Variants in CNBD1 observed in about 807,000 individuals in gnomAD.
The protein encoded by CNBD1 is cyclic nucleotide-binding domain-containing protein 1.
Under a neutral mutation model 54.4 loss-of-function variants are expected in CNBD1, and 71 were observed. That is an observed-to-expected ratio of 1.30 (90% CI 1.08 to 1.59). The LOEUF is 1.59. Ranked by LOEUF, CNBD1 falls within the 40% of genes most tolerant of loss-of-function variation. The probability of loss-of-function intolerance (pLI) is 0.00; values close to 1 mark genes in which losing one functional copy is unlikely to be tolerated. For missense variants in CNBD1, 659 were observed against 518.0 expected (o/e 1.27, Z -2.64); for synonymous variants, 182 against 170.7 (o/e 1.07, Z -0.51).
chr8:87,059,169 T>C (rs919149219), intron 4 of CNBD1, among the ~76,000 whole-genome samples: 1 of 152,194 alleles, frequency 6.6e-6, no homozygotes, highest in African/African-American at 2.4e-5. Flanking sequence ...TTGACTTTAT[T>C]GTCCATATCA....
intron 2 of CNBD1, among the ~76,000 whole-genome samples, chr8:87,414,655 C>A (rs1211345101): frequency 1.3e-5 from 2 of 151,970 alleles, no homozygotes; most frequent in African/African-American, 4.8e-5. Context: ...TCTTCTTGTA[C>A]TATTACCACA....
chr8:86,919,642 C>G (rs1370340801), intron 3 of CNBD1, among the ~76,000 whole-genome samples: 1 of 152,120 alleles, frequency 6.6e-6, no homozygotes, highest in African/African-American at 2.4e-5. Context: ...ATTAGGAACT[C>G]AAAGTACTGA....
chr8:87,226,760 TTGG>T (rs1814507919), intron 5 of CNBD1, among the ~76,000 whole-genome samples: 2 of 151,848 alleles, frequency 1.3e-5, no homozygotes, highest in Admixed American at 1.3e-4. Flanking sequence ...TTAGGTCCGC[TTGG>T]TGCAGAGCTG....
intron 8 of CNBD1, among the ~76,000 whole-genome samples, chr8:87,295,840 T>C (rs1050550964): frequency 1.3e-5 from 2 of 152,122 alleles, no homozygotes; most frequent in African/African-American, 4.8e-5. Context: ...TTTGAAACTT[T>C]TTTCTCTAAG....
chr8:87,191,926 A>T (rs1813618341), intron 4 of CNBD1, among the ~76,000 whole-genome samples: 1 of 152,208 alleles, frequency 6.6e-6, no homozygotes. Context: ...AAAGAAATTC[A>T]GATAGAGATT....
intron 2 of CNBD1, among the ~76,000 whole-genome samples, chr8:87,397,660 A>C (rs1458734872): frequency 1.3e-5 from 2 of 151,914 alleles, no homozygotes; most frequent in Non-Finnish European, 2.9e-5. Flanking sequence ...ACATATATGC[A>C]ATTGTGGTCA....
At chr8:87,376,610 T>A (rs1810945280) in intron 10 of CNBD1, among the ~76,000 whole-genome samples, 1 of 151,888 alleles carries the variant, frequency 6.6e-6, no homozygotes, top group Non-Finnish European at 1.5e-5. Flanking sequence ...ATTCATAGAG[T>A]TCTATATTTG....
At chr8:87,025,782 GAAGA>G (rs1809630281) in intron 4 of CNBD1, among the ~76,000 whole-genome samples, 2 of 152,086 alleles carry the variant, frequency 1.3e-5, no homozygotes, top group East Asian at 1.9e-4. Flanking sequence ...CCACCGGAAG[GAAGA>G]AACTCCGGAC....
chr8:86,960,671 G>A (rs537029625), intron 4 of CNBD1, among the ~76,000 whole-genome samples: 6 of 152,278 alleles, frequency 3.9e-5, no homozygotes, highest in Admixed American at 6.5e-5. Context: ...ATCTGAGAAT[G>A]GACAGACTGC....
intron 3 of CNBD1, among the ~76,000 whole-genome samples, chr8:86,930,434 A>G (rs1668061581): frequency 6.6e-6 from 1 of 152,172 alleles, no homozygotes; most frequent in African/African-American, 2.4e-5. Flanking sequence ...GAGTGCCTGG[A>G]CTTGAGAAAT....
intron 6 of CNBD1, among the ~76,000 whole-genome samples, chr8:87,265,916 A>G (rs1354618202): frequency 6.6e-6 from 1 of 152,162 alleles, no homozygotes; most frequent in African/African-American, 2.4e-5. Context: ...TTGGCAATAA[A>G]ACAAAAAATT....
intron 3 of CNBD1, among the ~76,000 whole-genome samples, chr8:86,920,813 G>A (rs1201258586): frequency 6.6e-6 from 1 of 152,110 alleles, no homozygotes; most frequent in African/African-American, 2.4e-5. Flanking sequence ...TTTACTTCTG[G>A]ATCTAAAAGC....
At chr8:87,336,222 C>A (rs112486815) in intron 8 of CNBD1, among the ~76,000 whole-genome samples, 29 of 152,136 alleles carry the variant, frequency 1.9e-4, no homozygotes, top group African/African-American at 5.5e-4. Context: ...CTCTTTATTT[C>A]CTTAATTTGA....
chr8:86,927,029 G>A (rs1209298829), intron 3 of CNBD1, among the ~76,000 whole-genome samples: 1 of 152,138 alleles, frequency 6.6e-6, no homozygotes, highest in Non-Finnish European at 1.5e-5. Context: ...TGTGCAGTTG[G>A]TGGGGAGGAA....
intron 4 of CNBD1, among the ~76,000 whole-genome samples, chr8:87,053,964 G>A (rs1810362485): frequency 6.6e-6 from 1 of 152,206 alleles, no homozygotes; most frequent in African/African-American, 2.4e-5. Context: ...TTAAAAGAAT[G>A]TAGGAATTGA....
At chr8:87,170,535 G>T (rs957975129) in intron 4 of CNBD1, among the ~76,000 whole-genome samples, 1 of 151,998 alleles carries the variant, frequency 6.6e-6, no homozygotes, top group Admixed American at 6.6e-5. Context: ...TCCCAATCTT[G>T]GAGGAAAGGC....
chr8:87,262,946 C>G (rs1586373534), intron 6 of CNBD1, among the ~76,000 whole-genome samples: 1 of 152,080 alleles, frequency 6.6e-6, no homozygotes, highest in East Asian at 1.9e-4. Context: ...CATCTGATAG[C>G]TTCAGTTTAA....
intron 8 of CNBD1, among the ~76,000 whole-genome samples, chr8:87,341,157 G>T (rs1209303143): frequency 1.3e-5 from 2 of 152,016 alleles, no homozygotes; most frequent in South Asian, 2.1e-4. Flanking sequence ...TTCTATTTTT[G>T]GTTTTTCCCC....
intron 5 of CNBD1, among the ~76,000 whole-genome samples, chr8:87,217,674 CA>C (rs778074284): frequency 6.6e-5 from 10 of 150,404 alleles, no homozygotes; most frequent in Non-Finnish European, 1.3e-4. Flanking sequence ...CTTTAATAGC[CA>C]ACTATTCATG....
Sources: gnomAD v4.1 joint callset for allele counts (sites outside exome capture counted in the v4.1 genomes callset) on GRCh38, gnomAD v4.1.1 for gene constraint, MANE v1.5 for transcripts, NCBI Gene and HGNC (gene_info 2026-07-23, HGNC 2026-07-21) for gene names.